The following AVEN variants were observed in gnomAD, a reference collection of about 807,000 sequenced individuals.
The protein encoded by AVEN is apoptosis and caspase activation inhibitor.
AVEN carries 41 observed loss-of-function variants against 38.1 expected under a neutral mutation model. The ratio of observed to expected loss-of-function variants is 1.08; its 90% confidence interval spans 0.84 to 1.40. AVEN has a LOEUF of 1.40. Among genes scored for constraint, AVEN ranks in the 40% most tolerant of loss-of-function variants. AVEN has a pLI of 0.00. For missense variants in AVEN, 605 were observed against 438.8 expected (o/e 1.38, Z -3.38); for synonymous variants, 206 against 171.8 (o/e 1.20, Z -1.56).
At chr15:33,895,365 A>G (rs1892192569) in intron 2 of AVEN, among the ~76,000 whole-genome samples, 2 of 149,634 alleles carry the variant, frequency 1.3e-5, no homozygotes, top group South Asian at 4.2e-4. Flanking sequence ...CCACTCTATT[A>G]CCCAGTATGG....
chr15:33,895,003 T>C (rs949066714), intron 2 of AVEN, among the ~76,000 whole-genome samples: 1 of 151,784 alleles, frequency 6.6e-6, no homozygotes, highest in South Asian at 2.1e-4. Context: ...TGGATACCGA[T>C]TCTATAGCAT....
intron 2 of AVEN, among the ~76,000 whole-genome samples, chr15:33,929,333 C>A (rs1893751330): frequency 6.6e-6 from 1 of 152,170 alleles, no homozygotes; most frequent in African/African-American, 2.4e-5. Context: ...AGGCTAAAGT[C>A]ATACTTCCTC....
chr15:34,016,674 T>C (rs1414618879), intron 1 of AVEN, among the ~76,000 whole-genome samples: 1 of 152,236 alleles, frequency 6.6e-6, no homozygotes, highest in South Asian at 2.1e-4. Context: ...CTATGGAGTA[T>C]GTAATCAGAA....
Position 33,942,560 on chromosome 15 carries a change from C to T in AVEN, c.445+60472G>A, listed in dbSNP as rs533311004. ...CCGCCCCCCGGATTCACGCCATTCT[C>T]CTGCCTCAGCCTCCCAAGTAGCTGG... On this transcript the variant is annotated intron_variant, in intron 2 of 5. Coordinates refer to ENST00000306730, the MANE Select transcript of AVEN (RefSeq NM_020371.3). Among the ~76,000 whole-genome samples, 84 of 152,194 alleles carry T rather than the reference C, an allele frequency of 5.5e-4. 2 individuals are homozygous for T. Among genetic ancestry groups the T allele is most frequent in the Middle Eastern group, 3.4e-3 (1 of 294 alleles).
intron 2 of AVEN, among the ~76,000 whole-genome samples, chr15:33,911,922 T>TTC (rs987095757): frequency 6.6e-6 from 1 of 152,142 alleles, no homozygotes; most frequent in African/African-American, 2.4e-5. Context: ...TGCAAGTCAG[T>TTC]TCACTATTTT....
chr15:33,866,453 C>CAGATGTCAAACACAGAG lies in AVEN; in HGVS notation c.*143_*159dup. 1 of 602,190 alleles carries CAGATGTCAAACACAGAG rather than the reference C, an allele frequency of 1.7e-6. No homozygotes were observed. The highest frequency in any genetic ancestry group is 3.1e-5 in the Admixed American group (1 of 31,924). 37.3% of individuals were successfully genotyped at this position (602,190 alleles called of 1,614,324 possible). On this transcript the variant is annotated 3_prime_UTR_variant, in exon 6 of 6. Coordinates refer to ENST00000306730, the MANE Select transcript of AVEN (RefSeq NM_020371.3). ...AACAAGCTGCTTCAATGTATTCTTTCAGATGTCAAACACAGAGGTAGGCAT... is the reference window on the plus strand; with the variant it reads ...AACAAGCTGCTTCAATGTATTCTTTCAGATGTCAAACACAGAGAGATGTCAAACACAGAGGTAGGCAT...
intron 2 of AVEN, among the ~76,000 whole-genome samples, chr15:33,941,301 T>G (rs971635683): frequency 2.6e-5 from 4 of 151,664 alleles, no homozygotes; most frequent in African/African-American, 9.7e-5. Context: ...CTGAAACTGT[T>G]TTTTTTTTGT....
At chr15:33,907,851 A>G (rs1892765710) in intron 2 of AVEN, among the ~76,000 whole-genome samples, 1 of 152,126 alleles carries the variant, frequency 6.6e-6, no homozygotes, top group South Asian at 2.1e-4. Flanking sequence ...GAGTGCTAGA[A>G]GAAAAAAATG....
the AVEN span, chr15:33,853,521 T>G: frequency 6.2e-7 from 1 of 1,604,758 alleles, no homozygotes; most frequent in Non-Finnish European, 8.5e-7. Flanking sequence ...TGGTGGCGTG[T>G]GGCCTGAGCT....
chr15:33,962,713 G>A (rs574474553), intron 2 of AVEN, among the ~76,000 whole-genome samples: 1 of 151,894 alleles, frequency 6.6e-6, no homozygotes, highest in African/African-American at 2.4e-5. Flanking sequence ...CTTCTGCATA[G>A]CATACAATTA....
chr15:34,017,490 T>TTG lies in AVEN; in HGVS notation c.268-14282_268-14281insCA, dbSNP rs1555516593. On this transcript the variant is annotated intron_variant, in intron 1 of 5. Coordinates refer to ENST00000306730, the MANE Select transcript of AVEN (RefSeq NM_020371.3). The stretch of plus-strand genomic sequence containing the variant: ...TCAGTATGATTTTTTTTTTGTTTTT[T>TTG]TTTTTTTTTTGAGACAGGGTCTTGC... Among the ~76,000 whole-genome samples the TTG allele has an allele frequency of 5.1e-3, 421 of 82,656 alleles. 3 individuals carry two copies. Among genetic ancestry groups the TTG allele is most frequent in the Non-Finnish European group, 0.012 (314 of 27,094 alleles). 54.2% of individuals were successfully genotyped at this position (82,656 alleles called of 152,430 possible).
intron 1 of AVEN, among the ~76,000 whole-genome samples, chr15:34,035,740 T>C (rs1340683129): frequency 6.6e-6 from 1 of 152,140 alleles, no homozygotes; most frequent in Non-Finnish European, 1.5e-5. Flanking sequence ...CAAAGATAAA[T>C]ACTAAACAAT....
intron 2 of AVEN, among the ~76,000 whole-genome samples, chr15:33,886,794 T>G (rs77657690): frequency 6.6e-6 from 1 of 152,138 alleles, no homozygotes; most frequent in Non-Finnish European, 1.5e-5. Context: ...ACTAATACAT[T>G]TGTCAACTAA....
chr15:33,988,347 G>T (rs1225891119), intron 2 of AVEN, among the ~76,000 whole-genome samples: 1 of 152,188 alleles, frequency 6.6e-6, no homozygotes, highest in Non-Finnish European at 1.5e-5. Flanking sequence ...TTTGAATCCT[G>T]ATTCTGCTAC....
At chr15:33,936,932 C>G (rs999504279) in intron 2 of AVEN, among the ~76,000 whole-genome samples, 1 of 151,472 alleles carries the variant, frequency 6.6e-6, no homozygotes, top group African/African-American at 2.4e-5. Flanking sequence ...GAGATCGAGA[C>G]CATCCTGGCT....
downstream of AVEN, chr15:33,864,949 G>C (rs986882318): frequency 1.1e-5 from 6 of 550,976 alleles, no homozygotes; most frequent in Middle Eastern, 4.8e-4. Flanking sequence ...GTGTCAGAGA[G>C]ACATGGCTTC....
At chr15:33,920,653 T>C (rs1189746779) in intron 2 of AVEN, among the ~76,000 whole-genome samples, 2 of 152,232 alleles carry the variant, frequency 1.3e-5, no homozygotes, top group African/African-American at 4.8e-5. Context: ...GTATGTGTCT[T>C]GCCATGAGAC....
intron 2 of AVEN, among the ~76,000 whole-genome samples, chr15:33,939,668 T>C (rs550563486): frequency 2.0e-5 from 3 of 152,188 alleles, no homozygotes; most frequent in Non-Finnish European, 4.4e-5. Flanking sequence ...ATCTTAAAAA[T>C]AGGATGATTG....
At chr15:33,944,557 C>G (rs1006239414) in intron 2 of AVEN, among the ~76,000 whole-genome samples, 1 of 152,114 alleles carries the variant, frequency 6.6e-6, no homozygotes, top group African/African-American at 2.4e-5. Flanking sequence ...CGCCTGTAAT[C>G]CCAGCACTTT....
Sources: allele counts gnomAD v4.1 joint callset (sites outside exome capture counted in the v4.1 genomes callset), GRCh38; gene constraint gnomAD v4.1.1; transcripts MANE v1.5; gene names NCBI Gene and HGNC (gene_info 2026-07-23, HGNC 2026-07-21).